The following DCC variants were observed in gnomAD, a reference collection of about 807,000 sequenced individuals.
The protein encoded by DCC is DCC netrin 1 receptor.
DCC carries 58 observed loss-of-function variants against 172.5 expected under a neutral mutation model. That is an observed-to-expected ratio of 0.34 (90% CI 0.27 to 0.42). The LOEUF (loss-of-function observed/expected upper bound fraction) is 0.42, where lower values mean the gene tolerates loss of function less well. Ranked by LOEUF, DCC falls within the 10% of genes least tolerant of loss-of-function variation. DCC has a pLI of 1.00. For synonymous variants in DCC, 709 were observed against 644.5 expected (o/e 1.10, Z -1.52); for missense variants, 1,740 against 1,791.0 (o/e 0.97, Z 0.51).
chr18:52,796,336 A>G (rs1382666194), intron 2 of DCC, among the ~76,000 whole-genome samples: 1 of 151,860 alleles, frequency 6.6e-6, no homozygotes, highest in East Asian at 1.9e-4. Context: ...GTTTATCATC[A>G]TGGTTTGGTG....
intron 5 of DCC, among the ~76,000 whole-genome samples, chr18:52,950,752 G>A (rs1239621946): frequency 2.0e-5 from 3 of 151,414 alleles, no homozygotes; most frequent in Admixed American, 6.6e-5. Flanking sequence ...GTGAAACCCC[G>A]TCTCTACTAA....
chr18:53,066,231 TC>T, intron 7 of DCC, 65 bp downstream of exon 7: 2 of 1,541,886 alleles, frequency 1.3e-6, no homozygotes, highest in Non-Finnish European at 1.8e-6. Context: ...GTTGGTAAAA[TC>T]CATATTGTTT....
chr18:53,413,888 G>A (rs11876154), intron 20 of DCC, among the ~76,000 whole-genome samples: 65,677 of 151,966 alleles, frequency 0.43, 16,013 homozygotes, highest in Non-Finnish European at 0.56. Context: ...TTCTTGCTGG[G>A]GACCTGTAGC....
At chr18:53,084,562 C>T (rs1212916135) in intron 7 of DCC, among the ~76,000 whole-genome samples, 1 of 152,190 alleles carries the variant, frequency 6.6e-6, no homozygotes, top group Non-Finnish European at 1.5e-5. Context: ...CCTCCAGGCC[C>T]TGCCAGATCT....
At chr18:53,000,170 G>A (rs2041542091) in intron 5 of DCC, among the ~76,000 whole-genome samples, 1 of 152,000 alleles carries the variant, frequency 6.6e-6, no homozygotes, top group African/African-American at 2.4e-5. Flanking sequence ...CCCAGTTTGT[G>A]GTACTTTGCA....
intron 1 of DCC, among the ~76,000 whole-genome samples, chr18:52,530,794 A>G (rs1425694439): frequency 1.3e-5 from 2 of 152,182 alleles, no homozygotes; most frequent in African/African-American, 2.4e-5. Context: ...CCAGAGAGAG[A>G]TTGTTTCCTT....
intron 2 of DCC, among the ~76,000 whole-genome samples, chr18:52,832,506 G>T (rs1442972784): frequency 1.3e-5 from 2 of 152,014 alleles, no homozygotes; most frequent in Non-Finnish European, 2.9e-5. Context: ...AGACTTCTGG[G>T]CGTCTTCCGT....
intron 12 of DCC, among the ~76,000 whole-genome samples, chr18:53,232,337 G>A (rs932649560): frequency 6.6e-6 from 1 of 152,108 alleles, no homozygotes; most frequent in Non-Finnish European, 1.5e-5. Flanking sequence ...CATCCCTTAA[G>A]AGTACCTCTC....
intron 1 of DCC, among the ~76,000 whole-genome samples, chr18:52,356,917 G>A (rs1210076135): frequency 2.6e-5 from 4 of 151,976 alleles, no homozygotes; most frequent in Non-Finnish European, 5.9e-5. Flanking sequence ...CGAGTAGCTG[G>A]GATTACAGGT....
intron 5 of DCC, among the ~76,000 whole-genome samples, chr18:52,932,300 C>G (rs1024771648): frequency 7.2e-5 from 11 of 152,074 alleles, no homozygotes; most frequent in African/African-American, 2.7e-4. Context: ...CAACTTTTAC[C>G]CAGCTCCACA....
At chr18:52,700,076 A>G (rs540353183) in intron 1 of DCC, among the ~76,000 whole-genome samples, 42 of 151,292 alleles carry the variant, frequency 2.8e-4, no homozygotes, top group African/African-American at 9.7e-4. Flanking sequence ...CATTAAATAC[A>G]GTGAATGTTT....
chr18:53,151,079 C>T (rs1160179802), intron 7 of DCC, among the ~76,000 whole-genome samples: 2 of 152,158 alleles, frequency 1.3e-5, no homozygotes, highest in African/African-American at 4.8e-5. Flanking sequence ...AGCTTCTCAC[C>T]CAGTGCCTTG....
chr18:53,138,321 A>G (rs762601574), intron 7 of DCC, among the ~76,000 whole-genome samples: 1 of 152,184 alleles, frequency 6.6e-6, no homozygotes, highest in African/African-American at 2.4e-5. Context: ...TGCAAAATGA[A>G]TCCACATTCT....
intron 6 of DCC, among the ~76,000 whole-genome samples, chr18:53,063,902 C>CT (rs1047109152): frequency 3.9e-5 from 6 of 152,060 alleles, no homozygotes; most frequent in East Asian, 1.9e-4. Context: ...ATACAGACAG[C>CT]TTTTTTTTCC....
At chr18:52,736,886 T>C (rs2036738725) in intron 1 of DCC, among the ~76,000 whole-genome samples, 2 of 152,172 alleles carry the variant, frequency 1.3e-5, no homozygotes. Context: ...AGCTGATGAA[T>C]TATGGGGGAA....
chr18:53,271,032 T>C (rs907508439), intron 12 of DCC, among the ~76,000 whole-genome samples: 2 of 152,144 alleles, frequency 1.3e-5, no homozygotes, highest in African/African-American at 4.8e-5. Context: ...AGCTATTACA[T>C]AGTGGAGCTC....
chr18:53,256,064 G>GTT (rs1344945519), intron 12 of DCC, among the ~76,000 whole-genome samples: 1 of 152,050 alleles, frequency 6.6e-6, no homozygotes, highest in Non-Finnish European at 1.5e-5. Flanking sequence ...GGGGTTGTTT[G>GTT]TTTTTTTCTT....
intron 2 of DCC, among the ~76,000 whole-genome samples, chr18:52,864,508 CT>C (rs1364201285): frequency 6.6e-6 from 1 of 152,004 alleles, no homozygotes; most frequent in African/African-American, 2.4e-5. Context: ...TTTCCATTTT[CT>C]TTTTTTAATT....
At chr18:53,235,044 A>G (rs1295849799) in intron 12 of DCC, among the ~76,000 whole-genome samples, 1 of 152,128 alleles carries the variant, frequency 6.6e-6, no homozygotes, top group Non-Finnish European at 1.5e-5. Context: ...TTTCATTCTA[A>G]TGTTAATGAT....
Sources: allele counts gnomAD v4.1 joint callset (sites outside exome capture counted in the v4.1 genomes callset), GRCh38; gene constraint gnomAD v4.1.1; transcripts MANE v1.5; gene names NCBI Gene and HGNC (gene_info 2026-07-23, HGNC 2026-07-21).